The following KIF1B variants were observed in gnomAD, a reference collection of about 807,000 sequenced individuals.
KIF1B encodes kinesin family member 1B.
Under a neutral mutation model 241.9 loss-of-function variants are expected in KIF1B, and 76 were observed. That is an observed-to-expected ratio of 0.31 (90% CI 0.26 to 0.38). The LOEUF is 0.38. KIF1B is among the 10% of genes least tolerant of loss of function. KIF1B has a pLI of 1.00. For synonymous variants in KIF1B, 750 were observed against 796.7 expected, an observed-to-expected ratio of 0.94 and a Z score of 0.99; for missense variants, 1,622 against 2,271.4, an observed-to-expected ratio of 0.71 and a Z score of 5.81.
At chr1:10,239,334 T>C (rs551309048) in intron 2 of KIF1B, among the ~76,000 whole-genome samples, 1 of 152,354 alleles carries the variant, frequency 6.6e-6, no homozygotes, top group East Asian at 1.9e-4. Flanking sequence ...TTAAGATTTT[T>C]ATGTAATTGG....
At position 10,255,968 on chromosome 1, in the gene KIF1B, T is replaced by G. The variant is rs72638995; in HGVS notation, c.107-279T>G. ...CCATGCCCAGCTAGTTGTTGTTGTT[T>G]TTTTTTTTTTTGGTATTTGTTGTAG... On this transcript the variant is annotated intron_variant, in intron 2 of 48. Coordinates refer to ENST00000676179, the MANE Select transcript of KIF1B (RefSeq NM_001365951.3). Among the ~76,000 whole-genome samples the G allele has an allele frequency of 5.6e-3, 500 of 90,058 alleles. 2 individuals carry two copies. Among genetic ancestry groups the G allele is most frequent in the African/African-American group, 0.013 (449 of 34,210 alleles). 59.1% of individuals were successfully genotyped at this position (90,058 alleles called of 152,430 possible). A position where few individuals can be genotyped will look rare whatever the true frequency, so the allele number is the denominator to read the frequency against.
chr1:10,354,850 G>C (rs1652919735), intron 38 of KIF1B, among the ~76,000 whole-genome samples: 1 of 152,190 alleles, frequency 6.6e-6, no homozygotes, highest in Non-Finnish European at 1.5e-5. Flanking sequence ...TGGCAAAATG[G>C]AGTTTGGTTA....
chr1:10,212,421 T>G (rs1422861954), intron 1 of KIF1B, among the ~76,000 whole-genome samples: 4 of 152,194 alleles, frequency 2.6e-5, no homozygotes, highest in African/African-American at 9.7e-5. Context: ...CTGGAGATGA[T>G]CAATAACTGG....
At chr1:10,308,140 G>A in intron 22 of KIF1B, 1 of 1,061,422 alleles carries the variant, frequency 9.4e-7, no homozygotes, top group South Asian at 4.6e-5. Flanking sequence ...TGCCTTACTG[G>A]TCCTTTGTAG....
chr1:10,300,647 T>A (rs1236509345), intron 22 of KIF1B, among the ~76,000 whole-genome samples: 1 of 152,122 alleles, frequency 6.6e-6, no homozygotes, highest in Non-Finnish European at 1.5e-5. Context: ...AGAAAAAAAG[T>A]GATAGTTGTT....
chr1:10,274,478 A>C (rs1032862055), intron 10 of KIF1B, among the ~76,000 whole-genome samples: 2 of 152,224 alleles, frequency 1.3e-5, no homozygotes, highest in Non-Finnish European at 2.9e-5. Flanking sequence ...ACCAAATCAT[A>C]TCTCTTTCTT....
At position 10,308,056 on chromosome 1, in the gene KIF1B, C is replaced by T. The variant is rs1341068897; in HGVS notation, c.2115+10810C>T. Reference sequence around the variant, plus strand: ...AAAACAAAACACTGAATTTTTCACACCTATGTCTGCATTAAAGGCTGTTTT... The same window carrying T: ...AAAACAAAACACTGAATTTTTCACATCTATGTCTGCATTAAAGGCTGTTTT... On this transcript the variant is annotated intron_variant, in intron 22 of 48. Coordinates refer to ENST00000676179, the MANE Select transcript of KIF1B (RefSeq NM_001365951.3). 4 of 1,058,446 alleles carry T rather than the reference C, an allele frequency of 3.8e-6. No individual in the cohort carries two copies. In the African/African-American group the frequency reaches 6.6e-5, roughly 17 times the overall value. 65.6% of individuals were successfully genotyped at this position (1,058,446 alleles called of 1,614,324 possible). A position where few individuals can be genotyped will look rare whatever the true frequency, so the allele number is the denominator to read the frequency against.
rs974170881 is a variant in KIF1B, at chr1:10,326,216, G to A, written c.2781G>A (p.Gln927=). ...ACATCACTGAGCTGGCTGACGAGCA[G>A]CAAGATGAGATGGAGGATTTTGATG... ...DSDITELADE[Q]QDEMEDFDDE... Residue 927 remains glutamine, a synonymous_variant, in exon 27 of 49, where the codon CAG becomes CAA. Transcript: ENST00000676179. This position sits in a 1 kb window ranked among gnomAD's most constrained non-coding sequence, Gnocchi z 5.2. 8.7e-6 allele frequency: 14 copies of A among 1,614,086 alleles called. No homozygotes were observed. The highest frequency in any genetic ancestry group is 1.0e-5 in the Non-Finnish European group (12 of 1,180,042).
At chr1:10,277,841 C>T (rs1649197843) in intron 12 of KIF1B, 145 bp from the exon 13 acceptor site, 2 of 715,478 alleles carry the variant, frequency 2.8e-6, no homozygotes, top group Admixed American at 2.5e-5. Context: ...TTAATAGGTA[C>T]TATAAAGCTT....
chr1:10,235,790 A>T (rs1647042019), intron 2 of KIF1B, among the ~76,000 whole-genome samples: 1 of 138,770 alleles, frequency 7.2e-6, no homozygotes, highest in Non-Finnish European at 1.5e-5. Flanking sequence ...TGAACCCGGG[A>T]GGTGGAGGTT....
chr1:10,378,289 A>G lies in KIF1B; in HGVS notation c.*1702A>G. 1 of 717,482 alleles carries G rather than the reference A, an allele frequency of 1.4e-6. No homozygotes were observed. The highest frequency in any genetic ancestry group is 2.6e-6 in the Non-Finnish European group (1 of 385,084). The allele number at this position is 717,482 out of a possible 1,614,324, so 44.4% of individuals were successfully genotyped here. On this transcript the variant is annotated 3_prime_UTR_variant, in exon 49 of 49. Transcript: ENST00000676179. ...TCCATCTGGTGTGGAAACACTGCCC[A>G]GGGAGAAAGGAGGAAGCTCACTGTG...
At chr1:10,235,862 C>CAAAAA (rs70997211) in intron 2 of KIF1B, among the ~76,000 whole-genome samples, 1 of 70,374 alleles carries the variant, frequency 1.4e-5, no homozygotes, top group Non-Finnish European at 2.7e-5. Context: ...AACACTGTCT[C>CAAAAA]AAAAAAAAAA....
In KIF1B at chr1:10,328,744, G is replaced by A. The variant is rs548392073; in HGVS notation, c.2924+2385G>A. Among the ~76,000 whole-genome samples, 4 of 152,338 alleles carry A rather than the reference G, an allele frequency of 2.6e-5. No homozygotes were observed. The South Asian group carries it at 8.3e-4, about 32-fold the overall frequency. ...AGCTTCATCTTACGTAACATGGTGA[G>A]GAGAAGCCTGACCTAATTGTCAGGA... On this transcript the variant is annotated intron_variant, in intron 27 of 48. Transcript: ENST00000676179.
intron 17 of KIF1B, among the ~76,000 whole-genome samples, chr1:10,293,086 C>T (rs1241223587): frequency 4.1e-5 from 6 of 144,990 alleles, no homozygotes; most frequent in African/African-American, 1.3e-4. Context: ...GGCCACATAA[C>T]TTTTTTTTTT....
At chr1:10,237,613 CATATT>C (rs1394160579) in intron 2 of KIF1B, among the ~76,000 whole-genome samples, 2 of 152,004 alleles carry the variant, frequency 1.3e-5, no homozygotes, top group African/African-American at 2.4e-5. Flanking sequence ...GTTTATTACT[CATATT>C]ATATGTCTTA....
At chr1:10,264,384 G>A (rs770979526) in intron 5 of KIF1B, among the ~76,000 whole-genome samples, 21 of 152,322 alleles carry the variant, frequency 1.4e-4, no homozygotes, top group Admixed American at 2.6e-4. Context: ...AAGAAATGAT[G>A]ATGGCTTTGG....
At position 10,279,052 on chromosome 1, in the gene KIF1B, C is replaced by G. The variant is rs761730040; in HGVS notation, c.1181-45C>G. On this transcript the variant is annotated intron_variant, in intron 13 of 48. Transcript: ENST00000676179. ...TTCCCTCTCTGTGTCACTGCTGAACCTGAACTTTGACCCTTCTCGTATTTT... is the reference window on the plus strand; with the variant it reads ...TTCCCTCTCTGTGTCACTGCTGAACGTGAACTTTGACCCTTCTCGTATTTT... 1.2e-5 allele frequency: 18 copies of G among 1,467,588 alleles called. No homozygotes were observed. The South Asian group carries it at 2.2e-4, about 18-fold the overall frequency. 90.9% of individuals were successfully genotyped at this position (1,467,588 alleles called of 1,614,324 possible).
chr1:10,322,594 T>C (rs909330136), intron 24 of KIF1B, among the ~76,000 whole-genome samples: 2 of 152,198 alleles, frequency 1.3e-5, no homozygotes, highest in Non-Finnish European at 2.9e-5. Flanking sequence ...GAAGACCATA[T>C]TGTGTAGTAG....
At chr1:10,336,611 C>G in intron 28 of KIF1B, 46 bp from the exon 29 acceptor site, 1 of 1,449,194 alleles carries the variant, frequency 6.9e-7, no homozygotes, top group Non-Finnish European at 9.7e-7. Context: ...CTCCCTCCCC[C>G]TGTGTAGTCT....
Sources: gnomAD v4.1 joint callset for allele counts (sites outside exome capture counted in the v4.1 genomes callset) on GRCh38, gnomAD v4.1.1 for gene constraint, Gnocchi (gnomAD v3.1) non-coding constraint, MANE v1.5 for transcripts, NCBI Gene and HGNC (gene_info 2026-07-23, HGNC 2026-07-21) for gene names.